The following KMT2A variants were observed in gnomAD, a reference collection of about 807,000 sequenced individuals.
KMT2A encodes histone-lysine N-methyltransferase 2A.
In KMT2A, 16 loss-of-function variants were observed where a neutral mutation model predicts 345.3. The ratio of observed to expected loss-of-function variants is 0.05; its 90% CI spans 0.03 to 0.07. The LOEUF is 0.07. Among genes scored for constraint, KMT2A ranks in the 10% least tolerant of loss-of-function variants. The pLI is 1.00. For missense variants in KMT2A, 3,272 were observed against 4,841.6 expected (o/e 0.68, Z 9.62); for synonymous variants, 1,599 against 1,778.6 (o/e 0.90, Z 2.54).
chr11:118,490,723 T>G lies in KMT2A; in HGVS notation c.4697-473T>G, dbSNP rs1176533940. Among the ~76,000 whole-genome samples, 2 of 152,142 alleles carry G rather than the reference T, an allele frequency of 1.3e-5. No homozygotes were observed. Among genetic ancestry groups the G allele is most frequent in the African/African-American group, 4.8e-5 (2 of 41,460 alleles). On this transcript the variant is annotated intron_variant, in intron 13 of 35. Coordinates refer to ENST00000534358, the MANE Select transcript of KMT2A (RefSeq NM_001197104.2). The surrounding 1 kb of genome is among the most constrained non-coding windows in gnomAD (Gnocchi z 4.2). ...AGTAAAAAATAATATAGGAGATCTCTGTATATAAAGAAAATTTATGAAGGT... is the reference window on the plus strand; with the variant it reads ...AGTAAAAAATAATATAGGAGATCTCGGTATATAAAGAAAATTTATGAAGGT...
At chr11:118,438,879 C>T in intron 1 of KMT2A, 1 of 341,420 alleles carries the variant, frequency 2.9e-6, no homozygotes, top group Admixed American at 3.6e-5. Flanking sequence ...GCAGCGTCCC[C>T]TTTCCCTGCC....
chr11:118,504,713 A>G lies in KMT2A; in HGVS notation c.8821A>G (p.Ser2941Gly). ...TGATCTGTCTGTCTTGACCACCCGGAGTCCCACTGTCCCCAGCCAGAATCC... is the reference window on the plus strand; with the variant it reads ...TGATCTGTCTGTCTTGACCACCCGGGGTCCCACTGTCCCCAGCCAGAATCC... ...PSDLSVLTTR[S>G]PTVPSQNPSR... The change falls in exon 27 of 36, where the codon AGT becomes GGT. Residue 2941 changes from serine (S) to glycine (G), a missense_variant. By Grantham distance (56) the Ser-to-Gly change is moderately conservative. Around this residue, in one of 27 missense-constraint regions of KMT2A, gnomAD observed 748 missense variants for 922.2 expected, o/e 0.81. Coordinates refer to ENST00000534358, the MANE Select transcript of KMT2A (RefSeq NM_001197104.2). This position sits in a 1 kb window ranked among gnomAD's most constrained non-coding sequence, Gnocchi z 6.4. 6.2e-7 allele frequency: 1 copy of G among 1,614,140 alleles called. No individual in the cohort carries two copies. The highest frequency in any genetic ancestry group is 8.5e-7 in the Non-Finnish European group (1 of 1,180,028).
At chr11:118,518,635 T>C (rs1240970670) in intron 31 of KMT2A, among the ~76,000 whole-genome samples, 1 of 151,758 alleles carries the variant, frequency 6.6e-6, no homozygotes, top group Admixed American at 6.6e-5. Flanking sequence ...ACAAAAAAAT[T>C]AGCTGGGCAT....
At chr11:118,454,098 C>T (rs1949594601) in intron 1 of KMT2A, among the ~76,000 whole-genome samples, 1 of 152,168 alleles carries the variant, frequency 6.6e-6, no homozygotes, top group Non-Finnish European at 1.5e-5. Context: ...TCAGACTCTC[C>T]CATTATAGTC....
chr11:118,437,274 C>G (rs1006166743), intron 1 of KMT2A, among the ~76,000 whole-genome samples: 2 of 151,864 alleles, frequency 1.3e-5, no homozygotes, highest in Non-Finnish European at 1.5e-5. Flanking sequence ...TTACCTCATC[C>G]GAGCAAGATT....
rs890427212 is a variant in KMT2A, at chr11:118,507,674, G to A, written c.10835+65G>A. On this transcript the variant is annotated intron_variant, in intron 28 of 35. Transcript: ENST00000534358. Reference sequence around the variant, plus strand: ...TTTTGTCCACCTCATTTAAAAAATAGTTCTTCCAGGCCGGGCGCAGTGGCT... The same window carrying A: ...TTTTGTCCACCTCATTTAAAAAATAATTCTTCCAGGCCGGGCGCAGTGGCT... 1.0e-4 allele frequency: 139 copies of A among 1,373,100 alleles called. 1 individual carries two copies. In the East Asian group the frequency reaches 3.0e-3, roughly 29 times the overall value. The allele number at this position is 1,373,100 out of a possible 1,614,324, so 85.1% of individuals were successfully genotyped here.
rs1030922211 is a variant in KMT2A, at chr11:118,497,154, G to A, written c.5665-782G>A. On this transcript the variant is annotated intron_variant, in intron 20 of 35. Coordinates refer to ENST00000534358, the MANE Select transcript of KMT2A (RefSeq NM_001197104.2). The surrounding 1 kb of genome is among the most constrained non-coding windows in gnomAD (Gnocchi z 4.8). ...CGAGTAGCTGGGATTACAGGCATGT[G>A]CCACCATGCCCGGCTAATTTTGTAT... Among the ~76,000 whole-genome samples, 5 of 151,878 alleles carry A rather than the reference G, an allele frequency of 3.3e-5. No individual in the cohort carries two copies. The highest frequency in any genetic ancestry group is 2.4e-5 in the African/African-American group (1 of 41,340).
At chr11:118,452,362 C>T (rs1949556902) in intron 1 of KMT2A, among the ~76,000 whole-genome samples, 1 of 152,052 alleles carries the variant, frequency 6.6e-6, no homozygotes, top group Non-Finnish European at 1.5e-5. Flanking sequence ...TAGTGAGACC[C>T]CTTCTCTACA....
Position 118,473,350 on chromosome 11 carries a change from G to A in KMT2A, c.2191G>A (p.Val731Ile), listed in dbSNP as rs1375493422. The change falls in exon 3 of 36, where the codon GTA becomes ATA. Residue 731 changes from valine (V) to isoleucine (I), a missense_variant. Physicochemically the swap from Val to Ile is conservative, Grantham distance 29 (BLOSUM62 3). Transcript: ENST00000534358. The surrounding 1 kb of genome is among the most constrained non-coding windows in gnomAD (Gnocchi z 5.2). Reference sequence around the variant, plus strand: ...TTCTGCTGGAACATCTTCTTCAGGAGTATCCAATAGAAAAAGGAAAAGAAA... The same window carrying A: ...TTCTGCTGGAACATCTTCTTCAGGAATATCCAATAGAAAAAGGAAAAGAAA... Reference protein sequence around the residue: ...RTSAGTSSSGVSNRKRKRKVF... With the variant: ...RTSAGTSSSGISNRKRKRKVF... 3 of 1,613,870 alleles carry A rather than the reference G, an allele frequency of 1.9e-6. No homozygotes were observed. Among genetic ancestry groups the A allele is most frequent in the Admixed American group, 3.3e-5 (2 of 59,970 alleles).
At position 118,476,604 on chromosome 11, in the gene KMT2A, TTA is replaced by T. The variant is rs1555037562; in HGVS notation, c.3157-200_3157-199del. ...CCTCAAGCTGTTTTTTATTTTTTGA[TTA>T]GAGGCCTTTTTTTGTGCTGCCAATT... On this transcript the variant is annotated intron_variant, in intron 3 of 35. Coordinates refer to ENST00000534358, the MANE Select transcript of KMT2A (RefSeq NM_001197104.2). The surrounding 1 kb of genome is among the most constrained non-coding windows in gnomAD (Gnocchi z 4.1). Among the ~76,000 whole-genome samples, 1 of 152,214 alleles carries T rather than the reference TTA, an allele frequency of 6.6e-6. No individual in the cohort carries two copies. The highest frequency in any genetic ancestry group is 1.9e-4 in the East Asian group (1 of 5,196).
At position 118,493,054 on chromosome 11, in the gene KMT2A, T is replaced by C. The variant is rs781904699; in HGVS notation, c.5005-3T>C. Reference sequence around the variant, plus strand: ...AAAAGCAACATATCTTTCCTGGCAATAGGCTGCCAAGCCTCCAGACTTAAA... The same window carrying C: ...AAAAGCAACATATCTTTCCTGGCAACAGGCTGCCAAGCCTCCAGACTTAAA... On this transcript the variant is annotated splice_polypyrimidine_tract_variant and splice_region_variant and intron_variant, in intron 15 of 35. Transcript: ENST00000534358. The surrounding 1 kb of genome is among the most constrained non-coding windows in gnomAD (Gnocchi z 5.8). The C allele has an allele frequency of 1.2e-6, 2 of 1,611,964 alleles. No individual in the cohort carries two copies. Among genetic ancestry groups the C allele is most frequent in the East Asian group, 2.2e-5 (1 of 44,856 alleles).
rs1253769592 is a variant in KMT2A at position 118,496,711 on chromosome 11, G to C, written c.5664+344G>C. ...ATCTAAGTTGCATATTAAAAAGCTT[G>C]TGTTTCATATAGGATAGCAGAATCG... is the stretch of plus-strand genomic sequence containing the variant. On this transcript the variant is annotated intron_variant, in intron 20 of 35. Coordinates refer to ENST00000534358, the MANE Select transcript of KMT2A (RefSeq NM_001197104.2). This position sits in a 1 kb window ranked among gnomAD's most constrained non-coding sequence, Gnocchi z 4.7. Among the ~76,000 whole-genome samples the C allele has an allele frequency of 6.6e-6, 1 of 152,186 alleles. No homozygotes were observed. The highest frequency in any genetic ancestry group is 1.9e-4 in the East Asian group (1 of 5,200).
Position 118,494,476 on chromosome 11 carries a change from T to G in KMT2A, c.5289+78T>G. 1.1e-6 allele frequency: 1 copy of G among 905,498 alleles called. No individual in the cohort carries two copies. Among genetic ancestry groups the G allele is most frequent in the Non-Finnish European group, 1.8e-6 (1 of 564,310 alleles). The allele number at this position is 905,498 out of a possible 1,614,324, so 56.1% of individuals were successfully genotyped here. On this transcript the variant is annotated intron_variant, in intron 17 of 35. Transcript: ENST00000534358. This position sits in a 1 kb window ranked among gnomAD's most constrained non-coding sequence, Gnocchi z 5.8. ...CTGTGAATACAATGAACTTGTTCTC[T>G]TCTACTTTTTGCTTTGTGGTGTGTA... is the stretch of plus-strand genomic sequence containing the variant.
Position 118,506,021 on chromosome 11 carries a change from G to A in KMT2A, c.10129G>A (p.Asp3377Asn). The change falls in exon 27 of 36, where the codon GAT becomes AAT. Residue 3377 changes from aspartate (D) to asparagine (N), a missense_variant. Transcript: ENST00000534358. The part of the protein sequence containing the change: ...LTNPRLLGTP[D>N]IGSISNLLIK... ...CAACCCAAGGTTGCTTGGTACCCCA[G>A]ATATTGGCTCAATAAGCAATCTTTT... 3 of 1,614,220 alleles carry A rather than the reference G, an allele frequency of 1.9e-6. No homozygotes were observed. Among genetic ancestry groups the A allele is most frequent in the East Asian group, 2.2e-5 (1 of 44,878 alleles).
intron 6 of KMT2A, among the ~76,000 whole-genome samples, chr11:118,480,443 A>T (rs781969976): frequency 1.3e-5 from 2 of 152,024 alleles, no homozygotes; most frequent in Non-Finnish European, 2.9e-5. Flanking sequence ...TCCATAATAA[A>T]TTTTTTAAAT....
At chr11:118,478,911 A>G (rs527671779) in intron 5 of KMT2A, among the ~76,000 whole-genome samples, 1 of 152,162 alleles carries the variant, frequency 6.6e-6, no homozygotes, top group Non-Finnish European at 1.5e-5. Context: ...CATGAGCCAC[A>G]GTGCTTGGCC....
intron 27 of KMT2A, 48 bp downstream of exon 27, chr11:118,506,694 T>G (rs1197863992): frequency 6.6e-7 from 1 of 1,515,364 alleles, no homozygotes; most frequent in Non-Finnish European, 8.9e-7. Context: ...GATTTCATGT[T>G]GTAAATTAGG....
At chr11:118,480,348 C>A in intron 6 of KMT2A, 110 bp downstream of exon 6, 1 of 739,154 alleles carries the variant, frequency 1.4e-6, no homozygotes, top group South Asian at 1.8e-5. Context: ...AACTCTTTCT[C>A]AGGGAGTAGA....
intron 1 of KMT2A, among the ~76,000 whole-genome samples, chr11:118,456,463 C>T (rs1212311879): frequency 1.3e-5 from 2 of 152,060 alleles, no homozygotes; most frequent in Non-Finnish European, 2.9e-5. Flanking sequence ...TTCAGCCTCC[C>T]AAGTAGCTGG....
Sources: gnomAD v4.1 joint callset for allele counts (sites outside exome capture counted in the v4.1 genomes callset) on GRCh38, gnomAD v4.1.1 for gene constraint, gnomAD v4.1.1 regional missense constraint, Gnocchi (gnomAD v3.1) non-coding constraint, MANE v1.5 for transcripts, NCBI Gene and HGNC (gene_info 2026-07-23, HGNC 2026-07-21) for gene names.